ANKRD12: variants seen among roughly 807,000 people sequenced by gnomAD.
ANKRD12 encodes the protein ankyrin repeat domain 12.
ANKRD12 carries 85 observed loss-of-function variants against 183.4 expected under a neutral mutation model. The ratio of observed to expected loss-of-function variants is 0.46; its 90% confidence interval spans 0.39 to 0.56. The LOEUF (loss-of-function observed/expected upper bound fraction) is 0.56, where lower values mean the gene tolerates loss of function less well. Among genes scored for constraint, ANKRD12 ranks in the 20% least tolerant of loss-of-function variants. The probability of loss-of-function intolerance (pLI) is 0.00; values close to 1 mark genes in which losing one functional copy is unlikely to be tolerated. For synonymous variants in ANKRD12, 914 were observed against 800.2 expected, an observed-to-expected ratio of 1.14 and a Z score of -2.40; for missense variants, 2,405 against 2,357.1, an observed-to-expected ratio of 1.02 and a Z score of -0.42.
chr18:9,173,626 G>GGT (rs2032968371), intron 1 of ANKRD12, among the ~76,000 whole-genome samples: 1 of 120,826 alleles, frequency 8.3e-6, no homozygotes, highest in African/African-American at 3.1e-5. Context: ...TGGGGGGGGG[G>GGT]TAGGGGGGGC....
rs1050610391 is a variant in ANKRD12, at chr18:9,285,046, C to T, written c.*3920C>T. The T allele has an allele frequency of 6.6e-6, 1 of 151,824 alleles. No homozygotes were observed. The highest frequency in any genetic ancestry group is 1.5e-5 in the Non-Finnish European group (1 of 67,974). 9.4% of individuals were successfully genotyped at this position (151,824 alleles called of 1,614,324 possible). ...ACGGTGAAACCCCGTCTCTACTAAA[C>T]AAAATGCAAAAAATCAGCCGGGTGT... is the stretch of plus-strand genomic sequence containing the variant. On this transcript the variant is annotated 3_prime_UTR_variant, in exon 13 of 13. Transcript: ENST00000262126.
intron 2 of ANKRD12, among the ~76,000 whole-genome samples, chr18:9,183,651 A>G (rs2033851370): frequency 6.7e-6 from 1 of 150,002 alleles, no homozygotes; most frequent in African/African-American, 2.4e-5. Flanking sequence ...GAATCATATT[A>G]TCTGTGAATA....
At position 9,254,825 on chromosome 18, in the gene ANKRD12, A is replaced by C. The variant is rs1401807219; in HGVS notation, c.1558A>C (p.Asn520His). ...DCSEKTREEG[N>H]FRKSFSPKDD... The stretch of plus-strand genomic sequence containing the variant: ...TTCAGAAAAGACCAGAGAGGAGGGG[A>C]ACTTTAGGAAATCTTTTAGCCCAAA... Residue 520 changes from asparagine (N) to histidine (H), a missense_variant, in exon 9 of 13, where the codon AAC (asparagine) becomes CAC (histidine). By Grantham distance (68) the Asn-to-His change is moderately conservative. This residue lies in a region of ANKRD12 where 1,983 missense variants were observed against 1,725.9 expected (regional missense o/e 1.15). Coordinates refer to ENST00000262126, the MANE Select transcript of ANKRD12 (RefSeq NM_015208.5). 6.7e-7 allele frequency: 1 copy of C among 1,486,124 alleles called. No homozygotes were observed. The highest frequency in any genetic ancestry group is 2.5e-5 in the Admixed American group (1 of 40,434). 92.1% of individuals were successfully genotyped at this position (1,486,124 alleles called of 1,614,324 possible).
At chr18:9,173,747 C>T (rs1335388244) in intron 1 of ANKRD12, among the ~76,000 whole-genome samples, 3 of 152,162 alleles carry the variant, frequency 2.0e-5, no homozygotes, top group African/African-American at 2.4e-5. Flanking sequence ...CTTAAAGATG[C>T]AGTCTGGTTG....
intron 1 of ANKRD12, among the ~76,000 whole-genome samples, chr18:9,174,205 C>T (rs1423659171): frequency 6.6e-6 from 1 of 152,228 alleles, no homozygotes; most frequent in East Asian, 1.9e-4. Context: ...CCGCCCCTCC[C>T]CCTGAAAACT....
chr18:9,154,804 A>G (rs552987987), intron 1 of ANKRD12, among the ~76,000 whole-genome samples: 1 of 152,296 alleles, frequency 6.6e-6, no homozygotes, highest in Admixed American at 6.5e-5. Context: ...TGATGGATGG[A>G]TGTTGGTGGC....
Position 9,257,174 on chromosome 18 carries a change from C to T in ANKRD12, c.3907C>T (p.Pro1303Ser). 1 of 1,614,102 alleles carries T rather than the reference C, an allele frequency of 6.2e-7. No homozygotes were observed. The highest frequency in any genetic ancestry group is 8.5e-7 in the Non-Finnish European group (1 of 1,179,996). ...TAAACTAATTATAAGCGAGGGGAGA[C>T]CTACCATAGAAGTTCGAAGATGTAG... ...DVKLIISEGR[P>S]TIEVRRCSMP... is the part of the protein sequence containing the mutation. Residue 1303 changes from proline to serine, a missense_variant, in exon 9 of 13, where the codon CCT becomes TCT. Transcript: ENST00000262126.
intron 6 of ANKRD12, among the ~76,000 whole-genome samples, chr18:9,216,345 C>G (rs959524268): frequency 6.6e-6 from 1 of 152,004 alleles, no homozygotes; most frequent in East Asian, 1.9e-4. Context: ...ATTTTTCTTA[C>G]GATTTTGTTA....
intron 10 of ANKRD12, among the ~76,000 whole-genome samples, chr18:9,271,220 C>T (rs951791663): frequency 2.0e-5 from 3 of 152,046 alleles, no homozygotes; most frequent in African/African-American, 7.2e-5. Flanking sequence ...TACAAGCATG[C>T]ACCACTACAC....
chr18:9,204,815 C>T (rs1029118354), intron 4 of ANKRD12, among the ~76,000 whole-genome samples: 2 of 152,156 alleles, frequency 1.3e-5, no homozygotes, highest in East Asian at 1.9e-4. Context: ...ACACCATTCA[C>T]GCAGAAAACA....
At chr18:9,153,433 C>T (rs1437891036) in intron 1 of ANKRD12, among the ~76,000 whole-genome samples, 1 of 152,084 alleles carries the variant, frequency 6.6e-6, no homozygotes, top group African/African-American at 2.4e-5. Flanking sequence ...AATCCTTTGT[C>T]TTTTTCAGTT....
intron 1 of ANKRD12, among the ~76,000 whole-genome samples, chr18:9,140,961 T>C (rs1174114649): frequency 6.6e-6 from 1 of 152,182 alleles, no homozygotes; most frequent in Non-Finnish European, 1.5e-5. Context: ...AAGAGTTATG[T>C]GATGGATAGA....
At chr18:9,223,236 A>G (rs2036519620) in intron 8 of ANKRD12, among the ~76,000 whole-genome samples, 1 of 149,962 alleles carries the variant, frequency 6.7e-6, no homozygotes, top group Admixed American at 6.6e-5. Flanking sequence ...CCTGGCCAAC[A>G]TGGTGAAACC....
chr18:9,247,494 A>T (rs115136649), intron 8 of ANKRD12, among the ~76,000 whole-genome samples: 3,402 of 152,222 alleles, frequency 0.022, 76 homozygotes, highest in African/African-American at 0.054. Context: ...AAATTTTTTT[A>T]AATTATAGGG....
chr18:9,243,611 G>C (rs1010134323), intron 8 of ANKRD12, among the ~76,000 whole-genome samples: 4 of 152,088 alleles, frequency 2.6e-5, no homozygotes, highest in African/African-American at 9.7e-5. Context: ...AGGGTAATCA[G>C]AGACCAAGAA....
At chr18:9,206,762 A>G (rs2035511365) in intron 4 of ANKRD12, among the ~76,000 whole-genome samples, 1 of 152,070 alleles carries the variant, frequency 6.6e-6, no homozygotes, top group African/African-American at 2.4e-5. Context: ...CTAATGATGC[A>G]TATATAAGTA....
In ANKRD12 at chr18:9,143,140, G is replaced by A. The variant is rs77053176; in HGVS notation, c.-52+6175G>A. Among the ~76,000 whole-genome samples the A allele has an allele frequency of 1.1e-4, 17 of 152,232 alleles. No homozygotes were observed. In the East Asian group the frequency reaches 1.4e-3, roughly 12 times the overall value. On this transcript the variant is annotated intron_variant, in intron 1 of 12. Coordinates refer to ENST00000262126, the MANE Select transcript of ANKRD12 (RefSeq NM_015208.5). ...AAGAACTTCTATTGAGCTTCTGTAC[G>A]CTAGATACTATTAGATACTTTCATG...
At chr18:9,232,133 G>T (rs903037341) in intron 8 of ANKRD12, among the ~76,000 whole-genome samples, 5 of 152,070 alleles carry the variant, frequency 3.3e-5, no homozygotes, top group Admixed American at 1.3e-4. Context: ...TTTTGTCTTG[G>T]TTGTCCTTGT....
chr18:9,222,468 CTTTTT>C (rs959278288), intron 8 of ANKRD12, among the ~76,000 whole-genome samples: 2 of 135,238 alleles, frequency 1.5e-5, no homozygotes, highest in Non-Finnish European at 3.2e-5. Flanking sequence ...CAATTTCTTT[CTTTTT>C]TTTTTTTTTA....
Sources: allele counts gnomAD v4.1 joint callset (sites outside exome capture counted in the v4.1 genomes callset), GRCh38; gene constraint gnomAD v4.1.1; regional missense constraint gnomAD v4.1.1; transcripts MANE v1.5; gene names NCBI Gene and HGNC (gene_info 2026-07-23, HGNC 2026-07-21).